HMCN1: variants seen among roughly 807,000 people sequenced by gnomAD.
The protein encoded by HMCN1 is hemicentin-1.
In HMCN1, 321 loss-of-function variants were observed where a neutral mutation model predicts 625.9. The ratio of observed to expected loss-of-function variants is 0.51; its 90% CI spans 0.47 to 0.56. The LOEUF (loss-of-function observed/expected upper bound fraction) is 0.56. HMCN1 is among the 20% of genes least tolerant of loss of function. The probability of loss-of-function intolerance (pLI) is 0.00; values close to 1 mark genes in which losing one functional copy is unlikely to be tolerated. For synonymous variants in HMCN1, 2,425 were observed against 2,417.6 expected, an observed-to-expected ratio of 1.00 and a Z score of -0.09; for missense variants, 6,588 against 6,887.3, an observed-to-expected ratio of 0.96 and a Z score of 1.54.
At chr1:185,884,128 GT>G (rs1664486059) in intron 4 of HMCN1, among the ~76,000 whole-genome samples, 1 of 151,594 alleles carries the variant, frequency 6.6e-6, no homozygotes, top group South Asian at 2.1e-4. Flanking sequence ...CTTATAAGAT[GT>G]GGCCCTTTTG....
intron 4 of HMCN1, among the ~76,000 whole-genome samples, chr1:185,891,896 T>C (rs1186346274): frequency 6.7e-6 from 1 of 148,244 alleles, no homozygotes; most frequent in Non-Finnish European, 1.5e-5. Flanking sequence ...GATAATACCC[T>C]GCAGACTGTT....
rs1658369108 is a variant in HMCN1, at chr1:186,069,746, A to G, written c.7963A>G (p.Met2655Val). 6.2e-7 allele frequency: 1 copy of G among 1,612,986 alleles called. No homozygotes were observed. Among genetic ancestry groups the G allele is most frequent in the African/African-American group, 1.3e-5 (1 of 75,026 alleles). ...SCVATNEAGE[M>V]IKHYEVKVYI... ...TGTAGCCACGAATGAGGCTGGAGAA[A>G]TGATAAAGCACTATGAAGTGAAGGT... Residue 2655 changes from methionine (M) to valine (V), a missense_variant, in exon 51 of 107, where the codon ATG becomes GTG. Met to Val is a conservative substitution (Grantham distance 21). Transcript: ENST00000271588.
chr1:186,051,469 C>T (rs988597259), intron 42 of HMCN1, among the ~76,000 whole-genome samples: 3 of 151,994 alleles, frequency 2.0e-5, no homozygotes. Flanking sequence ...AAGTCTAGAC[C>T]TCAGAGAGGG....
At position 186,152,835 on chromosome 1, in the gene HMCN1, C is replaced by G; in HGVS notation, c.14982C>G (p.Val4994=). The G allele has an allele frequency of 1.2e-6, 2 of 1,613,952 alleles. No homozygotes were observed. The highest frequency in any genetic ancestry group is 1.7e-6 in the Non-Finnish European group (2 of 1,179,890). Residue 4994 remains valine (V), a synonymous_variant, in exon 96 of 107, where the codon GTC becomes GTG. Coordinates refer to ENST00000271588, the MANE Select transcript of HMCN1 (RefSeq NM_031935.3). ...TAGATATCGTTGTGAGTGGCTATGTCCTACAGCTTCAGTCACCTGCTGAAG... is the reference window on the plus strand; with the variant it reads ...TAGATATCGTTGTGAGTGGCTATGTGCTACAGCTTCAGTCACCTGCTGAAG... The part of the protein sequence containing the change: ...LLLDIVVSGY[V]LQLQSPAEVT...
chr1:185,839,989 A>G (rs1661383596), intron 1 of HMCN1, among the ~76,000 whole-genome samples: 3 of 152,198 alleles, frequency 2.0e-5, no homozygotes, highest in Non-Finnish European at 1.5e-5. Flanking sequence ...AAACAATCAT[A>G]AGGGCCTTTA....
chr1:185,971,522 T>C (rs1228746287), intron 15 of HMCN1, among the ~76,000 whole-genome samples: 1 of 152,250 alleles, frequency 6.6e-6, no homozygotes, highest in African/African-American at 2.4e-5. Context: ...TTATAAAATA[T>C]GACATTGCAT....
At chr1:185,854,959 T>C (rs1396015591) in intron 2 of HMCN1, among the ~76,000 whole-genome samples, 2 of 152,120 alleles carry the variant, frequency 1.3e-5, no homozygotes, top group African/African-American at 4.8e-5. Context: ...GCATGCAGAA[T>C]CCATATGTGA....
intron 4 of HMCN1, among the ~76,000 whole-genome samples, chr1:185,866,550 G>A (rs1319301765): frequency 6.6e-6 from 1 of 151,382 alleles, no homozygotes; most frequent in Non-Finnish European, 1.5e-5. Context: ...GACTACAGGC[G>A]CCCACCACCA....
At chr1:186,074,411 C>T (rs1333690240) in intron 52 of HMCN1, among the ~76,000 whole-genome samples, 1 of 151,634 alleles carries the variant, frequency 6.6e-6, no homozygotes, top group Non-Finnish European at 1.5e-5. Context: ...TATATGAGAT[C>T]AGTGAAAAAA....
intron 4 of HMCN1, among the ~76,000 whole-genome samples, chr1:185,886,916 C>T (rs979343994): frequency 3.3e-5 from 5 of 152,130 alleles, no homozygotes; most frequent in Non-Finnish European, 5.9e-5. Flanking sequence ...AATCTGGCCT[C>T]ACCTTGCCAT....
At chr1:186,096,552 G>C (rs1454321750) in intron 68 of HMCN1, among the ~76,000 whole-genome samples, 1 of 152,074 alleles carries the variant, frequency 6.6e-6, no homozygotes. Context: ...CCATAGAATG[G>C]AGGCCGGTAG....
chr1:185,930,289 A>G (rs1667477012), intron 10 of HMCN1, among the ~76,000 whole-genome samples: 1 of 152,216 alleles, frequency 6.6e-6, no homozygotes, highest in South Asian at 2.1e-4. Flanking sequence ...AGAAGTCACA[A>G]GTGAGTGCCC....
At chr1:185,969,250 C>T (rs949288286) in intron 14 of HMCN1, among the ~76,000 whole-genome samples, 6 of 152,178 alleles carry the variant, frequency 3.9e-5, no homozygotes, top group Non-Finnish European at 8.8e-5. Context: ...TTACTGCTCT[C>T]ATTTTCACGT....
Position 185,963,867 on chromosome 1 carries a change from TAAAC to T in HMCN1, c.2072_2075del (p.Lys691ArgfsTer13). On this transcript the variant is annotated frameshift_variant, in exon 13 of 107. Coordinates refer to ENST00000271588, the MANE Select transcript of HMCN1 (RefSeq NM_031935.3). LOFTEE classifies it high-confidence loss of function. The stretch of plus-strand genomic sequence containing the variant: ...TAGCAAGTAATTCAGCTGGAACAGA[TAAAC>T]AGAATTCTACTCTCAGATACATTGG... 6.2e-7 allele frequency: 1 copy of T among 1,612,312 alleles called. No individual in the cohort carries two copies. The highest frequency in any genetic ancestry group is 8.5e-7 in the Non-Finnish European group (1 of 1,178,616).
chr1:185,817,726 A>C (rs1659929683), intron 1 of HMCN1, among the ~76,000 whole-genome samples: 1 of 152,196 alleles, frequency 6.6e-6, no homozygotes, highest in Non-Finnish European at 1.5e-5. Flanking sequence ...TATTTATTAA[A>C]AGTGGTGCAA....
chr1:186,108,512 G>A lies in HMCN1; in HGVS notation c.10904G>A (p.Arg3635Gln), dbSNP rs777872545. 1.0e-4 allele frequency: 161 copies of A among 1,613,922 alleles called. No individual in the cohort carries two copies. Among genetic ancestry groups the A allele is most frequent in the Non-Finnish European group, 1.3e-4 (156 of 1,180,016 alleles). ...TDEPRDITVL[R>Q]NRQVTLECKS... ...GAGCCCCGGGATATCACTGTGTTAC[G>A]GAACAGACAAGTGACATTGGAATGC... is the stretch of plus-strand genomic sequence containing the variant. Residue 3635 changes from arginine to glutamine, a missense_variant, in exon 71 of 107, where the codon CGG becomes CAG. Physicochemically the swap from Arg to Gln is conservative, Grantham distance 43. This residue lies in a region of HMCN1 where 4,628 missense variants were observed against 4,853.1 expected (regional missense o/e 0.95). Transcript: ENST00000271588.
chr1:185,920,256 A>G (rs1424535130), intron 6 of HMCN1, among the ~76,000 whole-genome samples: 1 of 152,110 alleles, frequency 6.6e-6, no homozygotes, highest in Admixed American at 6.6e-5. Context: ...TGTTTAAACC[A>G]GTGTTAGTTT....
chr1:186,021,792 T>G (rs909748591), intron 35 of HMCN1, among the ~76,000 whole-genome samples: 3 of 151,966 alleles, frequency 2.0e-5, no homozygotes, highest in Non-Finnish European at 4.4e-5. Flanking sequence ...GGAAATTGGT[T>G]AAAGGATCAA....
At chr1:186,131,189 G>T (rs1464139322) in intron 85 of HMCN1, among the ~76,000 whole-genome samples, 1 of 152,020 alleles carries the variant, frequency 6.6e-6, no homozygotes, top group Non-Finnish European at 1.5e-5. Context: ...AATCACATTT[G>T]GTGAGACCAC....
Sources: allele counts gnomAD v4.1 joint callset (sites outside exome capture counted in the v4.1 genomes callset), GRCh38; gene constraint gnomAD v4.1.1; regional missense constraint gnomAD v4.1.1; transcripts MANE v1.5; gene names NCBI Gene and HGNC (gene_info 2026-07-23, HGNC 2026-07-21).